Variants in NVL observed in about 807,000 individuals in gnomAD.
NVL encodes nuclear valosin-containing protein-like.
A neutral mutation model predicts 110.2 loss-of-function variants in NVL; 84 were observed. That is an observed-to-expected ratio of 0.76 (90% confidence interval 0.64 to 0.91). The LOEUF (loss-of-function observed/expected upper bound fraction) is 0.91. Among genes scored for constraint, NVL ranks in the 40% least tolerant of loss-of-function variants. The probability of loss-of-function intolerance (pLI) is 0.00; values close to 1 mark genes in which losing one functional copy is unlikely to be tolerated. For missense variants in NVL, 882 were observed against 1,035.9 expected (o/e 0.85, Z 2.04); for synonymous variants, 354 against 361.1 (o/e 0.98, Z 0.22).
Position 224,248,218 on chromosome 1 carries a change from T to C in NVL, c.2289+1994A>G, listed in dbSNP as rs186280396. Among the ~76,000 whole-genome samples the C allele has an allele frequency of 3.5e-4, 54 of 152,350 alleles. 1 individual carries two copies. The East Asian group carries it at 7.3e-3, about 21-fold the overall frequency. ...TACCTTTTCCTTTAACTCCCAACTC[T>C]ACAGTTAATCCAATGTCCTACTAAT... On this transcript the variant is annotated intron_variant, in intron 19 of 22. Coordinates refer to ENST00000281701, the MANE Select transcript of NVL (RefSeq NM_002533.4).
chr1:224,268,013 T>TA (rs746597868), intron 18 of NVL, 21 bp downstream of exon 18: 2 of 1,539,496 alleles, frequency 1.3e-6, no homozygotes, highest in Non-Finnish European at 1.8e-6. Context: ...TCATCTGTGT[T>TA]ACAATATTTT....
chr1:224,308,014 T>G lies in NVL; in HGVS notation c.592A>C (p.Lys198Gln). The G allele has an allele frequency of 6.5e-7, 1 of 1,541,048 alleles. No homozygotes were observed. Residue 198 changes from lysine (K) to glutamine (Q), a missense_variant, in exon 6 of 23, where the codon AAG becomes CAG. Coordinates refer to ENST00000281701, the MANE Select transcript of NVL (RefSeq NM_002533.4). The stretch of plus-strand genomic sequence containing the variant: ...ACCTGTATCTCAGTTATTGGCTTCT[T>G]AGGATTACTTTTCTCACATGACAGG... ...LDLSCEKSNPKKPITEIQDSK... is the reference protein window; with the variant it reads ...LDLSCEKSNPQKPITEIQDSK...
At chr1:224,326,640 TTTAA>T (rs764863029) in intron 1 of NVL, among the ~76,000 whole-genome samples, 176 bp from the exon 2 acceptor site, 8 of 152,106 alleles carry the variant, frequency 5.3e-5, no homozygotes, top group Non-Finnish European at 1.0e-4. Context: ...AATCAGAAAA[TTTAA>T]TTAACATTAT....
Position 224,294,347 on chromosome 1 carries a change from C to T in NVL, c.1245G>A (p.Ser415=), listed in dbSNP as rs149850559. The change falls in exon 12 of 23, where the codon TCG becomes TCA. Residue 415 remains serine, a synonymous_variant. Transcript: ENST00000281701. ...CCGCACGTCTCAAAGCAGGGTCTAA[C>T]GAGTCTGGTCGATTAGTAGCTCCAA... ...LVIGATNRPD[S]LDPALRRAGR... 3.3e-5 allele frequency: 54 copies of T among 1,613,954 alleles called. No homozygotes were observed. Among genetic ancestry groups the T allele is most frequent in the Middle Eastern group, 1.6e-4 (1 of 6,084 alleles).
intron 10 of NVL, among the ~76,000 whole-genome samples, 197 bp from the exon 11 acceptor site, chr1:224,296,815 C>T (rs1056797655): frequency 7.2e-5 from 11 of 152,144 alleles, no homozygotes; most frequent in South Asian, 6.2e-4. Context: ...TAGAAGTACA[C>T]AGTAAGAGAC....
chr1:224,315,174 A>G (rs1277087423), intron 4 of NVL, among the ~76,000 whole-genome samples: 1 of 151,946 alleles, frequency 6.6e-6, no homozygotes, highest in Non-Finnish European at 1.5e-5. Context: ...TCCTACCTCA[A>G]CTTCCAAAGA....
At chr1:224,259,452 A>G (rs1663695631) in intron 18 of NVL, among the ~76,000 whole-genome samples, 1 of 152,170 alleles carries the variant, frequency 6.6e-6, no homozygotes, top group Admixed American at 6.6e-5. Flanking sequence ...AAATATACTC[A>G]AAACCATTGA....
At chr1:224,295,960 CAAAAAAAAAAA>C (rs942085228) in intron 11 of NVL, among the ~76,000 whole-genome samples, 4 of 41,842 alleles carry the variant, frequency 9.6e-5, no homozygotes, top group Non-Finnish European at 1.9e-4. Context: ...GACTCTGTCT[CAAAAAAAAAAA>C]AAAAAAAAAA....
At chr1:224,247,408 G>A (rs1043874741) in intron 19 of NVL, among the ~76,000 whole-genome samples, 12 of 152,096 alleles carry the variant, frequency 7.9e-5, no homozygotes, top group Admixed American at 5.9e-4. Flanking sequence ...AGTGGCTCAC[G>A]TTTGTAATCC....
chr1:224,253,794 A>G (rs1432149903), intron 18 of NVL, among the ~76,000 whole-genome samples: 1 of 151,772 alleles, frequency 6.6e-6, no homozygotes, highest in Non-Finnish European at 1.5e-5. Context: ...AACTACTTGT[A>G]CCATTACATT....
At chr1:224,240,216 C>T (rs531729502) in intron 19 of NVL, among the ~76,000 whole-genome samples, 2 of 152,086 alleles carry the variant, frequency 1.3e-5, no homozygotes, top group African/African-American at 2.4e-5. Flanking sequence ...TACAGTTGCC[C>T]GCCACCACGC....
chr1:224,307,912 A>AGAT, intron 6 of NVL, 79 bp downstream of exon 6: 1 of 1,357,316 alleles, frequency 7.4e-7, no homozygotes, highest in South Asian at 1.6e-5. Context: ...AAACACAAGT[A>AGAT]TCTGATTGAT....
At position 224,317,719 on chromosome 1, in the gene NVL, C is replaced by A. The variant is rs749637734; in HGVS notation, c.259G>T (p.Ala87Ser). Residue 87 changes from alanine to serine, a missense_variant, in exon 4 of 23, where the codon GCA (alanine) becomes TCA (serine). Coordinates refer to ENST00000281701, the MANE Select transcript of NVL (RefSeq NM_002533.4). Reference sequence around the variant, plus strand: ...TCATTATCCTCTTCACCTTGTCTTGCCCTTTTTGCCAAATGTTCATCTTCT... The same window carrying A: ...TCATTATCCTCTTCACCTTGTCTTGACCTTTTTGCCAAATGTTCATCTTCT... ...ELEDEHLAKR[A>S]RQGEEDNEYT... is the part of the protein sequence containing the mutation. 15 of 1,606,172 alleles carry A rather than the reference C, an allele frequency of 9.3e-6. No homozygotes were observed. In the South Asian group the frequency reaches 1.3e-4, roughly 14 times the overall value.
intron 18 of NVL, among the ~76,000 whole-genome samples, chr1:224,256,357 G>C (rs148660695): frequency 6.7e-6 from 1 of 150,128 alleles, no homozygotes; most frequent in Non-Finnish European, 1.5e-5. Flanking sequence ...CCTGGGAAGC[G>C]GAGGTTGCAG....
intron 2 of NVL, among the ~76,000 whole-genome samples, chr1:224,320,193 A>G (rs552980730): frequency 6.6e-6 from 1 of 152,210 alleles, no homozygotes; most frequent in African/African-American, 2.4e-5. Context: ...GGATTCGATA[A>G]TATTACTGAA....
At chr1:224,318,021 G>A (rs940220155) in intron 2 of NVL, 91 bp from the exon 3 acceptor site, 5 of 815,870 alleles carry the variant, frequency 6.1e-6, no homozygotes, top group Non-Finnish European at 9.7e-6. Flanking sequence ...AAATTTTCAT[G>A]AATATTTCAT....
At chr1:224,299,987 A>T (rs1432442736) in intron 10 of NVL, among the ~76,000 whole-genome samples, 3 of 152,228 alleles carry the variant, frequency 2.0e-5, no homozygotes, top group African/African-American at 4.8e-5. Flanking sequence ...AAACACAGTG[A>T]TATTTGTTCA....
intron 19 of NVL, among the ~76,000 whole-genome samples, chr1:224,248,473 C>T (rs527552074): frequency 2.0e-5 from 3 of 152,270 alleles, no homozygotes; most frequent in South Asian, 2.1e-4. Context: ...TCTCATCTGC[C>T]CTGTTCTCCC....
intron 17 of NVL, 144 bp downstream of exon 17, chr1:224,275,195 G>A: frequency 1.1e-6 from 1 of 926,716 alleles, no homozygotes; most frequent in Non-Finnish European, 1.6e-6. Context: ...GCTATCTCTA[G>A]GATTTGATTT....
Sources: allele counts gnomAD v4.1 joint callset (sites outside exome capture counted in the v4.1 genomes callset), GRCh38; gene constraint gnomAD v4.1.1; transcripts MANE v1.5; gene names NCBI Gene and HGNC (gene_info 2026-07-23, HGNC 2026-07-21).